Variants in CBFA2T3 observed in about 807,000 individuals in gnomAD.
The protein encoded by CBFA2T3 is CBFA2/RUNX1 partner transcriptional co-repressor 3, also known as transcriptional corepressor CBFA2T3.
Under a neutral mutation model 58.6 loss-of-function variants are expected in CBFA2T3, and 31 were observed. The observed-to-expected ratio is 0.53, with a 90% CI of 0.40 to 0.71. The LOEUF (loss-of-function observed/expected upper bound fraction) is 0.71, where lower values mean the gene tolerates loss of function less well. Ranked by LOEUF, CBFA2T3 falls within the 30% of genes least tolerant of loss-of-function variation. CBFA2T3 has a pLI of 0.00. For synonymous variants in CBFA2T3, 531 were observed against 421.9 expected (o/e 1.26, Z -3.17); for missense variants, 1,076 against 963.1 (o/e 1.12, Z -1.55).
At chr16:88,970,050 G>T (rs1051660234) in intron 1 of CBFA2T3, among the ~76,000 whole-genome samples, 8 of 152,222 alleles carry the variant, frequency 5.3e-5, no homozygotes, top group Non-Finnish European at 8.8e-5. Context: ...CACAAAGGGG[G>T]CGCCTGGAAA....
rs910210035 is a variant in CBFA2T3 at position 88,913,067 on chromosome 16, T to C, written c.152-11411A>G. 4.6e-5 allele frequency among the ~76,000 whole-genome samples: 7 copies of C among 152,220 alleles called. No individual in the cohort carries two copies. The East Asian group carries it at 5.8e-4, about 13-fold the overall frequency. On this transcript the variant is annotated intron_variant, in intron 1 of 11. Transcript: ENST00000268679. ...TTCGATGGGATTGCAGCTCTTCCAG[T>C]GCAGAGGCGGGGTCCACTTCCCTGC...
chr16:88,976,036 G>A (rs930721688), intron 1 of CBFA2T3, among the ~76,000 whole-genome samples: 5 of 152,204 alleles, frequency 3.3e-5, no homozygotes, highest in Non-Finnish European at 7.4e-5. Flanking sequence ...CTGGGACTTC[G>A]CAGGCTCGGG....
chr16:88,903,666 G>T (rs1306947738), intron 1 of CBFA2T3, among the ~76,000 whole-genome samples: 2 of 135,812 alleles, frequency 1.5e-5, no homozygotes, highest in East Asian at 2.6e-4. Flanking sequence ...GGCTGGGGGG[G>T]GGGGCGTTCC....
rs1357103073 is a variant in CBFA2T3, at chr16:88,885,171, T to A, written c.992A>T (p.Asn331Ile). The A allele has an allele frequency of 6.2e-7, 1 of 1,603,136 alleles. No individual in the cohort carries two copies. Among genetic ancestry groups the A allele is most frequent in the Non-Finnish European group, 8.5e-7 (1 of 1,174,692 alleles). The change falls in exon 7 of 12, where the codon AAC (asparagine) becomes ATC (isoleucine). Residue 331 changes from asparagine to isoleucine, a missense_variant. Physicochemically the swap from Asn to Ile is moderately radical, Grantham distance 149 (BLOSUM62 -3). Coordinates refer to ENST00000268679, the MANE Select transcript of CBFA2T3 (RefSeq NM_005187.6). This position sits in a 1 kb window ranked among gnomAD's most constrained non-coding sequence, Gnocchi z 5.3. ...CGGCGGTGTGGGCTGCGGTGGCCCG[T>A]TGCTGGGGCTGTAGCGCTGGGCAGG... ...LNPAQRYSPSNGPPQPTPPPH... is the reference protein window; with the variant it reads ...LNPAQRYSPSIGPPQPTPPPH...
rs1353748274 is a variant in CBFA2T3 at position 88,885,451 on chromosome 16, C to T, written c.894-182G>A. Among the ~76,000 whole-genome samples, 1 of 152,082 alleles carries T rather than the reference C, an allele frequency of 6.6e-6. No homozygotes were observed. The highest frequency in any genetic ancestry group is 1.5e-5 in the Non-Finnish European group (1 of 67,990). On this transcript the variant is annotated intron_variant, in intron 6 of 11. Coordinates refer to ENST00000268679, the MANE Select transcript of CBFA2T3 (RefSeq NM_005187.6). The surrounding 1 kb of genome is among the most constrained non-coding windows in gnomAD (Gnocchi z 5.3). ...CCAGCCCGGCGCCCCCACTCTCTGC[C>T]CCTCTGCCGGGGCCCATGCCAGCCT...
At chr16:88,924,046 C>T (rs1226688494) in intron 1 of CBFA2T3, among the ~76,000 whole-genome samples, 4 of 152,096 alleles carry the variant, frequency 2.6e-5, no homozygotes, top group Non-Finnish European at 4.4e-5. Flanking sequence ...GAGGTGGGGG[C>T]GTGGTCAGGC....
At chr16:88,911,755 C>T (rs568358012) in intron 1 of CBFA2T3, among the ~76,000 whole-genome samples, 7 of 152,396 alleles carry the variant, frequency 4.6e-5, no homozygotes, top group African/African-American at 7.2e-5. Flanking sequence ...ACAACGGCCG[C>T]GTGGAGCTGG....
chr16:88,962,977 C>G (rs1972405564), intron 1 of CBFA2T3, among the ~76,000 whole-genome samples: 1 of 152,258 alleles, frequency 6.6e-6, no homozygotes, highest in Non-Finnish European at 1.5e-5. Flanking sequence ...CCACCCCACT[C>G]TGTGGTTTGC....
At chr16:88,973,125 C>G (rs1001622491) in intron 1 of CBFA2T3, among the ~76,000 whole-genome samples, 7 of 152,236 alleles carry the variant, frequency 4.6e-5, no homozygotes, top group Admixed American at 1.3e-4. Flanking sequence ...TCCACTCCCC[C>G]TCCCACCGCG....
intron 1 of CBFA2T3, among the ~76,000 whole-genome samples, chr16:88,945,277 C>G (rs1320082104): frequency 1.3e-5 from 2 of 152,070 alleles, no homozygotes; most frequent in African/African-American, 4.8e-5. Context: ...AAATATAACA[C>G]CAAAAGCATG....
chr16:88,930,803 G>C (rs1171300739), intron 1 of CBFA2T3, among the ~76,000 whole-genome samples: 3 of 110,318 alleles, frequency 2.7e-5, no homozygotes, highest in Non-Finnish European at 5.5e-5. Context: ...GGGGCAGACT[G>C]GGGGCTGGGG....
chr16:88,884,955 G>A, intron 7 of CBFA2T3, 91 bp downstream of exon 7: 1 of 954,254 alleles, frequency 1.0e-6, no homozygotes, highest in Non-Finnish European at 1.5e-6. Context: ...GCTGCCCGTG[G>A]TGCCCTGTGC....
chr16:88,903,699 G>C (rs1326126940), intron 1 of CBFA2T3, among the ~76,000 whole-genome samples: 1 of 130,252 alleles, frequency 7.7e-6, no homozygotes, highest in Non-Finnish European at 1.7e-5. Flanking sequence ...CCTGGGGGGG[G>C]CGTTCCTGGT....
Position 88,875,766 on chromosome 16 carries a change from T to C in CBFA2T3, c.*1210A>G. The C allele has an allele frequency of 4.3e-6, 1 of 233,554 alleles. No homozygotes were observed. Among genetic ancestry groups the C allele is most frequent in the Non-Finnish European group, 8.5e-6 (1 of 118,032 alleles). The allele number at this position is 233,554 out of a possible 1,614,324, so 14.5% of individuals were successfully genotyped here. On this transcript the variant is annotated 3_prime_UTR_variant, in exon 12 of 12. Transcript: ENST00000268679. ...GAATCAACCCAAAAGATTGTCACAG[T>C]TTTGTTTCGGAATTATGCTCTCTCT... is the stretch of plus-strand genomic sequence containing the variant.
intron 1 of CBFA2T3, among the ~76,000 whole-genome samples, chr16:88,936,493 C>T (rs1000720035): frequency 6.6e-6 from 1 of 152,046 alleles, no homozygotes; most frequent in African/African-American, 2.4e-5. Flanking sequence ...ACCACGACCC[C>T]AGCCTCAGGG....
intron 1 of CBFA2T3, among the ~76,000 whole-genome samples, chr16:88,973,419 T>G (rs1349481527): frequency 2.0e-5 from 3 of 152,114 alleles, no homozygotes; most frequent in African/African-American, 7.2e-5. Context: ...CGCCTTAGTT[T>G]CGGACTTCCA....
rs985683018 is a variant in CBFA2T3 at position 88,903,398 on chromosome 16, G to A, written c.152-1742C>T. On this transcript the variant is annotated intron_variant, in intron 1 of 11. Transcript: ENST00000268679. ...CTCTGCTGGGCCTGTGGGGAGTGGT[G>A]GGGGGAGGAAGCAGCCAGTAAACAG... Among the ~76,000 whole-genome samples the A allele has an allele frequency of 2.6e-4, 39 of 152,244 alleles. No individual in the cohort carries two copies. The East Asian group carries it at 5.4e-3, about 21-fold the overall frequency.
At chr16:88,945,145 C>T (rs1196934248) in intron 1 of CBFA2T3, among the ~76,000 whole-genome samples, 1 of 152,174 alleles carries the variant, frequency 6.6e-6, no homozygotes, top group Non-Finnish European at 1.5e-5. Context: ...AAGCGGGTGG[C>T]TAATGGATTC....
intron 1 of CBFA2T3, among the ~76,000 whole-genome samples, chr16:88,923,157 G>A (rs1970976534): frequency 6.6e-6 from 1 of 152,238 alleles, no homozygotes; most frequent in South Asian, 2.1e-4. Context: ...AGATGGCACA[G>A]CAGGTTGGCG....
Sources: gnomAD v4.1 joint callset for allele counts (sites outside exome capture counted in the v4.1 genomes callset) on GRCh38, gnomAD v4.1.1 for gene constraint, Gnocchi (gnomAD v3.1) non-coding constraint, MANE v1.5 for transcripts, NCBI Gene and HGNC (gene_info 2026-07-23, HGNC 2026-07-21) for gene names.